SF3B1: variants seen among roughly 807,000 people sequenced by gnomAD.
SF3B1 encodes the protein splicing factor 3b subunit 1, also known as pre-mRNA processing 10.
In SF3B1, 12 loss-of-function variants were observed where a neutral mutation model predicts 153.8. That is an observed-to-expected ratio of 0.08 (90% CI 0.05 to 0.13). The LOEUF (loss-of-function observed/expected upper bound fraction) is 0.13. SF3B1 is among the 10% of genes least tolerant of loss of function. SF3B1 has a pLI of 1.00. For synonymous variants in SF3B1, 498 were observed against 525.2 expected (o/e 0.95, Z 0.71); for missense variants, 513 against 1,606.1 (o/e 0.32, Z 11.63).
chr2:197,415,114 T>G (rs1420752695), intron 6 of SF3B1, among the ~76,000 whole-genome samples: 1 of 150,722 alleles, frequency 6.6e-6, no homozygotes, highest in African/African-American at 2.4e-5. Context: ...GGTTTTTTGT[T>G]GCTGTTATTA....
intron 1 of SF3B1, among the ~76,000 whole-genome samples, chr2:197,424,470 T>C (rs1286760693): frequency 6.8e-6 from 1 of 146,868 alleles, no homozygotes; most frequent in Admixed American, 6.9e-5. Context: ...CCAACCTGGG[T>C]GACAGAGCAA....
intron 1 of SF3B1, among the ~76,000 whole-genome samples, chr2:197,428,782 C>A (rs1432295591): frequency 6.6e-6 from 1 of 152,058 alleles, no homozygotes; most frequent in Non-Finnish European, 1.5e-5. Flanking sequence ...GTAATCCCAG[C>A]TACTTGGAAG....
chr2:197,422,430 T>C (rs2085259862), intron 2 of SF3B1, among the ~76,000 whole-genome samples: 1 of 151,628 alleles, frequency 6.6e-6, no homozygotes, highest in African/African-American at 2.4e-5. Context: ...GGGGGAGGGA[T>C]AGCATTGGGA....
rs927525459 is a variant in SF3B1, at chr2:197,416,620, A to G, written c.666+121T>C. Reference sequence around the variant, plus strand: ...GCCTCCAGAACTGCGAAAAAAATCAATGTCTGTTGTTTAAGGCACCCAGTC... The same window carrying G: ...GCCTCCAGAACTGCGAAAAAAATCAGTGTCTGTTGTTTAAGGCACCCAGTC... On this transcript the variant is annotated intron_variant, in intron 6 of 24. Coordinates refer to ENST00000335508, the MANE Select transcript of SF3B1 (RefSeq NM_012433.4). 1.3e-4 allele frequency: 106 copies of G among 809,966 alleles called. No homozygotes were observed. The African/African-American group carries it at 1.7e-3, about 13-fold the overall frequency. 50.2% of individuals were successfully genotyped at this position (809,966 alleles called of 1,614,324 possible).
chr2:197,400,651 C>A lies in SF3B1; in HGVS notation c.2718+64G>T. 7.6e-7 allele frequency: 1 copy of A among 1,310,964 alleles called. No homozygotes were observed. Among genetic ancestry groups the A allele is most frequent in the Non-Finnish European group, 1.1e-6 (1 of 941,074 alleles). 81.2% of individuals were successfully genotyped at this position (1,310,964 alleles called of 1,614,324 possible). ...TTGCATTCTAGAAAAATTTGCTTGACAACTAATATGCTTTTCTACAAATAT... is the reference window on the plus strand; with the variant it reads ...TTGCATTCTAGAAAAATTTGCTTGAAAACTAATATGCTTTTCTACAAATAT... On this transcript the variant is annotated intron_variant, in intron 18 of 24. Transcript: ENST00000335508. This position sits in a 1 kb window ranked among gnomAD's most constrained non-coding sequence, Gnocchi z 5.0.
chr2:197,408,588 A>G lies in SF3B1; in HGVS notation c.905-7T>C. On this transcript the variant is annotated splice_region_variant and splice_polypyrimidine_tract_variant and intron_variant, in intron 7 of 24. Transcript: ENST00000335508. ...CTTCCATGCCCAGGAGTATCTTTAA[A>G]AAGAAAGAGTGAGTAAAACCACAAT... is the stretch of plus-strand genomic sequence containing the variant. The G allele has an allele frequency of 6.3e-7, 1 of 1,599,440 alleles. No homozygotes were observed. Among genetic ancestry groups the G allele is most frequent in the Non-Finnish European group, 8.6e-7 (1 of 1,168,456 alleles).
intron 1 of SF3B1, among the ~76,000 whole-genome samples, chr2:197,429,778 T>C (rs2085397703): frequency 6.8e-6 from 1 of 147,316 alleles, no homozygotes; most frequent in African/African-American, 2.5e-5. Context: ...AGCAAGACTC[T>C]GTCTCAAAAA....
rs2084793943 is a variant in SF3B1, at chr2:197,390,077, C to T, written c.*2226G>A. 6.6e-6 allele frequency: 1 copy of T among 152,170 alleles called. No homozygotes were observed. The allele number at this position is 152,170 out of a possible 1,614,324, so 9.4% of individuals were successfully genotyped here. A position where few individuals can be genotyped will look rare whatever the true frequency, so the allele number is the denominator to read the frequency against. ...CTTCCACATATCACAAAATGCTTTC[C>T]TTATTTAATAATAAGCACATAAAAT... On this transcript the variant is annotated 3_prime_UTR_variant, in exon 25 of 25. Coordinates refer to ENST00000335508, the MANE Select transcript of SF3B1 (RefSeq NM_012433.4).
At chr2:197,393,629 T>C (rs1028212832) in intron 23 of SF3B1, among the ~76,000 whole-genome samples, 1 of 151,914 alleles carries the variant, frequency 6.6e-6, no homozygotes, top group Non-Finnish European at 1.5e-5. Flanking sequence ...ATTTTTGTAT[T>C]TTTAGTAGAG....
At chr2:197,428,332 GTAAA>G (rs1227275158) in intron 1 of SF3B1, among the ~76,000 whole-genome samples, 1 of 152,078 alleles carries the variant, frequency 6.6e-6, no homozygotes, top group African/African-American at 2.4e-5. Flanking sequence ...AAATAAGTAA[GTAAA>G]TAAATAAATA....
chr2:197,409,191 G>C (rs549564477), intron 7 of SF3B1, among the ~76,000 whole-genome samples: 1 of 152,186 alleles, frequency 6.6e-6, no homozygotes, highest in South Asian at 2.1e-4. Flanking sequence ...TCTGAGGTCG[G>C]GAGTTCGAGA....
At chr2:197,417,881 C>A (rs2085176341) in intron 5 of SF3B1, among the ~76,000 whole-genome samples, 1 of 152,094 alleles carries the variant, frequency 6.6e-6, no homozygotes, top group Non-Finnish European at 1.5e-5. Context: ...ACACTGAACT[C>A]TGACTTTTCC....
chr2:197,424,626 C>T (rs188709263), intron 1 of SF3B1, among the ~76,000 whole-genome samples: 1 of 152,180 alleles, frequency 6.6e-6, no homozygotes, highest in Non-Finnish European at 1.5e-5. Context: ...GCACCATACA[C>T]TGCATTTAGT....
chr2:197,409,068 G>T (rs909816867), intron 7 of SF3B1, among the ~76,000 whole-genome samples: 2 of 152,094 alleles, frequency 1.3e-5, no homozygotes, highest in African/African-American at 4.8e-5. Context: ...CACCAGGCTG[G>T]GCAATGAAGC....
chr2:197,392,928 T>A (rs77630471), intron 24 of SF3B1, 44 bp downstream of exon 24: 221 of 943,690 alleles, frequency 2.3e-4, no homozygotes, highest in Middle Eastern at 6.3e-4. Flanking sequence ...AAGTATTATT[T>A]AAAAAAAAAA....
chr2:197,400,574 A>G lies in SF3B1; in HGVS notation c.2719-140T>C, dbSNP rs1348785985. ...ATCAAATCTTAAAACTTGAGGTAGA[A>G]TAATATCGTTTGGTAACCCCCTGAG... is the stretch of plus-strand genomic sequence containing the variant. On this transcript the variant is annotated intron_variant, in intron 18 of 24. Coordinates refer to ENST00000335508, the MANE Select transcript of SF3B1 (RefSeq NM_012433.4). This position sits in a 1 kb window ranked among gnomAD's most constrained non-coding sequence, Gnocchi z 5.0. The G allele has an allele frequency of 9.9e-7, 1 of 1,014,810 alleles. No individual in the cohort carries two copies. The highest frequency in any genetic ancestry group is 1.4e-6 in the Non-Finnish European group (1 of 700,606). 62.9% of individuals were successfully genotyped at this position (1,014,810 alleles called of 1,614,324 possible).
chr2:197,403,541 G>A, intron 12 of SF3B1, 44 bp downstream of exon 12: 1 of 1,357,042 alleles, frequency 7.4e-7, no homozygotes. Flanking sequence ...AACTGAAAAA[G>A]TTAAAACTTT....
At chr2:197,394,778 G>A (rs2084856137) in intron 23 of SF3B1, among the ~76,000 whole-genome samples, 2 of 152,076 alleles carry the variant, frequency 1.3e-5, no homozygotes, top group South Asian at 2.1e-4. Flanking sequence ...GGTGGCACAC[G>A]CCTGTAGTCC....
intron 6 of SF3B1, among the ~76,000 whole-genome samples, chr2:197,414,295 A>T (rs535453885): frequency 3.3e-5 from 5 of 152,386 alleles, no homozygotes; most frequent in African/African-American, 7.2e-5. Flanking sequence ...CAGAGGACAG[A>T]TTTGTAAGTT....
Sources: gnomAD v4.1 joint callset for allele counts (sites outside exome capture counted in the v4.1 genomes callset) on GRCh38, gnomAD v4.1.1 for gene constraint, Gnocchi (gnomAD v3.1) non-coding constraint, MANE v1.5 for transcripts, NCBI Gene and HGNC (gene_info 2026-07-23, HGNC 2026-07-21) for gene names.